The following SLC4A8 variants were observed in gnomAD, a reference collection of about 807,000 sequenced individuals.
The protein encoded by SLC4A8 is electroneutral sodium bicarbonate exchanger 1.
In SLC4A8, 40 loss-of-function variants were observed where a neutral mutation model predicts 125.0. The ratio of observed to expected loss-of-function variants is 0.32; its 90% confidence interval spans 0.25 to 0.42. The LOEUF (loss-of-function observed/expected upper bound fraction) is 0.42, where lower values mean the gene tolerates loss of function less well. Among genes scored for constraint, SLC4A8 ranks in the 10% least tolerant of loss-of-function variants. The pLI, the probability that SLC4A8 is intolerant of heterozygous loss-of-function variation, is 1.00. For missense variants in SLC4A8, 863 were observed against 1,355.1 expected (o/e 0.64, Z 5.70); for synonymous variants, 456 against 476.0 (o/e 0.96, Z 0.55).
chr12:51,508,923 C>T lies in SLC4A8; in HGVS notation c.*1485C>T, dbSNP rs1454326134. The T allele has an allele frequency of 6.6e-6, 1 of 152,480 alleles. No individual in the cohort carries two copies. The highest frequency in any genetic ancestry group is 1.9e-4 in the East Asian group (1 of 5,204). The allele number at this position is 152,480 out of a possible 1,614,324, so 9.4% of individuals were successfully genotyped here. On this transcript the variant is annotated 3_prime_UTR_variant, in exon 25 of 25. Transcript: ENST00000453097. ...TTTATTGAATTTTGCATTCCTTAGA[C>T]TTTTAAAATATACTAATGTATTCTA...
At chr12:51,499,318 T>C (rs4761821) in intron 22 of SLC4A8, among the ~76,000 whole-genome samples, 141,136 of 152,270 alleles carry the variant, frequency 0.93, 65,480 homozygotes, top group Non-Finnish European at 0.95. Flanking sequence ...ATACACATAC[T>C]GTACACACAC....
At chr12:51,496,045 C>A (rs1350425234) in intron 21 of SLC4A8, among the ~76,000 whole-genome samples, 1 of 151,668 alleles carries the variant, frequency 6.6e-6, no homozygotes, top group Non-Finnish European at 1.5e-5. Flanking sequence ...TAATTTTTTT[C>A]TAATCCTCTA....
Position 51,470,377 on chromosome 12 carries a change from T to A in SLC4A8, c.1525-15T>A. 6.2e-7 allele frequency: 1 copy of A among 1,608,708 alleles called. No individual in the cohort carries two copies. The highest frequency in any genetic ancestry group is 8.5e-7 in the Non-Finnish European group (1 of 1,175,544). On this transcript the variant is annotated splice_polypyrimidine_tract_variant and intron_variant, in intron 12 of 24. Coordinates refer to ENST00000453097, the MANE Select transcript of SLC4A8 (RefSeq NM_001039960.3). ...GATGGGCTATGGACTCAGTGATGAC[T>A]TTTTTTCCTCTCAGAGTGCAATTGA...
At position 51,511,817 on chromosome 12, in the gene SLC4A8, G is replaced by A. The variant is rs1478409978; in HGVS notation, c.*4379G>A. 6.6e-6 allele frequency: 1 copy of A among 152,178 alleles called. No homozygotes were observed. Among genetic ancestry groups the A allele is most frequent in the Non-Finnish European group, 1.5e-5 (1 of 68,038 alleles). The allele number at this position is 152,178 out of a possible 1,614,324, so 9.4% of individuals were successfully genotyped here. On this transcript the variant is annotated 3_prime_UTR_variant, in exon 25 of 25. Coordinates refer to ENST00000453097, the MANE Select transcript of SLC4A8 (RefSeq NM_001039960.3). ...CTTTTTCAGGCAGTATTCCAATCAG[G>A]GTTTTACGACACCAGGGTATCCCAC...
At chr12:51,460,524 T>C (rs949250704) in intron 8 of SLC4A8, among the ~76,000 whole-genome samples, 3 of 152,184 alleles carry the variant, frequency 2.0e-5, no homozygotes, top group Non-Finnish European at 4.4e-5. Context: ...AATAGAGAAT[T>C]GAAGACCATT....
intron 16 of SLC4A8, among the ~76,000 whole-genome samples, chr12:51,485,412 G>C (rs910291751): frequency 6.6e-6 from 1 of 152,042 alleles, no homozygotes; most frequent in Non-Finnish European, 1.5e-5. Flanking sequence ...CTGGCTATTG[G>C]GTATGAGGGA....
chr12:51,394,832 C>A (rs1948226713), intron 1 of SLC4A8, among the ~76,000 whole-genome samples: 1 of 152,104 alleles, frequency 6.6e-6, no homozygotes, highest in Admixed American at 6.5e-5. Flanking sequence ...TACTCCTGAA[C>A]CTAAAAGTTT....
chr12:51,409,206 T>C (rs993615380), intron 1 of SLC4A8, among the ~76,000 whole-genome samples: 2 of 152,058 alleles, frequency 1.3e-5, no homozygotes, highest in Non-Finnish European at 2.9e-5. Context: ...TTTAATAAAA[T>C]TGAGTTTTTC....
intron 2 of SLC4A8, among the ~76,000 whole-genome samples, chr12:51,449,444 A>G: frequency 6.6e-6 from 1 of 151,986 alleles, no homozygotes; most frequent in South Asian, 2.1e-4. Context: ...GGAAAAAAAA[A>G]AAAACTGATG....
intron 9 of SLC4A8, 175 bp from the exon 10 acceptor site, chr12:51,462,135 G>GT: frequency 1.6e-6 from 1 of 611,866 alleles, no homozygotes; most frequent in South Asian, 2.0e-5. Flanking sequence ...TTCCACGCTT[G>GT]TTTTTTAAAT....
At chr12:51,406,079 T>G (rs1183582860) in intron 1 of SLC4A8, among the ~76,000 whole-genome samples, 1 of 152,168 alleles carries the variant, frequency 6.6e-6, no homozygotes, top group African/African-American at 2.4e-5. Flanking sequence ...CTTGAGAGTA[T>G]CCCAACAGTA....
At chr12:51,406,906 C>T (rs551740688) in intron 1 of SLC4A8, among the ~76,000 whole-genome samples, 97 of 152,288 alleles carry the variant, frequency 6.4e-4, no homozygotes, top group African/African-American at 2.1e-3. Context: ...AGCCGGGCAA[C>T]GTTTGAGGCC....
chr12:51,421,390 A>T (rs1422093553), upstream of SLC4A8, among the ~76,000 whole-genome samples: 2 of 152,352 alleles, frequency 1.3e-5, no homozygotes, highest in South Asian at 4.1e-4. Flanking sequence ...AGTGCCCCAG[A>T]TAGCAGCAGC....
At chr12:51,412,349 G>T (rs1192665671) in intron 1 of SLC4A8, among the ~76,000 whole-genome samples, 2 of 152,048 alleles carry the variant, frequency 1.3e-5, no homozygotes, top group Non-Finnish European at 2.9e-5. Flanking sequence ...GTGATATTTT[G>T]ATACATGCAT....
upstream of SLC4A8, among the ~76,000 whole-genome samples, chr12:51,422,794 C>A (rs1592155867): frequency 1.3e-5 from 2 of 152,340 alleles, no homozygotes; most frequent in Non-Finnish European, 2.9e-5. Context: ...ACTTGAGATG[C>A]TTGCTCTTCT....
chr12:51,416,215 T>TC, intron 1 of SLC4A8, among the ~76,000 whole-genome samples: 1 of 144,424 alleles, frequency 6.9e-6, no homozygotes, highest in Non-Finnish European at 1.5e-5. Flanking sequence ...TCTTTTGTTT[T>TC]TTTTTTTTTT....
Position 51,452,194 on chromosome 12 carries a change from G to GT in SLC4A8, c.351dup (p.Thr118TyrfsTer5). 2 of 1,614,122 alleles carry GT rather than the reference G, an allele frequency of 1.2e-6. No homozygotes were observed. The highest frequency in any genetic ancestry group is 1.7e-6 in the Non-Finnish European group (2 of 1,179,944). On this transcript the variant is annotated frameshift_variant, in exon 4 of 25. Transcript: ENST00000453097. LOFTEE classifies it high-confidence loss of function. ...ATGAAGAGCATGTGCCTCATGAGCTGTTTACAGAGCTGGATGAGATCTGTA... is the reference window on the plus strand; with the variant it reads ...ATGAAGAGCATGTGCCTCATGAGCTGTTTTACAGAGCTGGATGAGATCTGTA...
intron 11 of SLC4A8, among the ~76,000 whole-genome samples, chr12:51,465,448 G>T (rs1441961634): frequency 6.6e-6 from 1 of 152,114 alleles, no homozygotes; most frequent in Non-Finnish European, 1.5e-5. Context: ...CATTATATTG[G>T]ATCTCAACAG....
At chr12:51,441,060 C>A in intron 2 of SLC4A8, 1 of 1,112,538 alleles carries the variant, frequency 9.0e-7, no homozygotes, top group South Asian at 3.8e-5. Flanking sequence ...TAACAAGTAA[C>A]CTGTTCTTTG....
Sources: allele counts gnomAD v4.1 joint callset (sites outside exome capture counted in the v4.1 genomes callset), GRCh38; gene constraint gnomAD v4.1.1; transcripts MANE v1.5; gene names NCBI Gene and HGNC (gene_info 2026-07-23, HGNC 2026-07-21).